MAP7D1: variants seen among roughly 807,000 people sequenced by gnomAD.
MAP7D1 encodes MAP7 domain-containing protein 1.
MAP7D1 carries 30 observed loss-of-function variants against 97.5 expected under a neutral mutation model. The observed-to-expected ratio is 0.31, with a 90% CI of 0.23 to 0.42. The LOEUF (loss-of-function observed/expected upper bound fraction) is 0.42. Among genes scored for constraint, MAP7D1 ranks in the 10% least tolerant of loss-of-function variants. The probability of loss-of-function intolerance (pLI) is 1.00; values close to 1 mark genes in which losing one functional copy is unlikely to be tolerated. For missense variants in MAP7D1, 1,184 were observed against 1,179.5 expected, an observed-to-expected ratio of 1.00 and a Z score of -0.06; for synonymous variants, 536 against 477.1, an observed-to-expected ratio of 1.12 and a Z score of -1.61.
chr1:36,180,245 C>T lies in MAP7D1; in HGVS notation c.2513-3C>T. ...GACTGTTTCCCTTCCTGTTTTTCCC[C>T]AGAAGTCCTTTAAGAGGGTTTGCCT... On this transcript the variant is annotated splice_region_variant and splice_polypyrimidine_tract_variant and intron_variant, in intron 16 of 16. Transcript: ENST00000474796. 1 of 1,614,188 alleles carries T rather than the reference C, an allele frequency of 6.2e-7. No homozygotes were observed. The highest frequency in any genetic ancestry group is 8.5e-7 in the Non-Finnish European group (1 of 1,180,036).
At chr1:36,177,428 G>A in intron 8 of MAP7D1, 1 of 404,498 alleles carries the variant, frequency 2.5e-6, no homozygotes, top group Non-Finnish European at 4.9e-6. Context: ...AGGCCAAGGG[G>A]AGGATTGCTT....
chr1:36,179,434 G>T (rs1570170618), intron 13 of MAP7D1, 81 bp from the exon 14 acceptor site: 2 of 1,571,560 alleles, frequency 1.3e-6, no homozygotes, highest in East Asian at 2.3e-5. Flanking sequence ...TGCGGCCCGG[G>T]CAAGGGGAGG....
chr1:36,180,005 T>C lies in MAP7D1; in HGVS notation c.2450T>C (p.Leu817Pro). The C allele has an allele frequency of 6.2e-7, 1 of 1,614,214 alleles. No homozygotes were observed. Residue 817 changes from leucine (L) to proline (P), a missense_variant, in exon 16 of 17, where the codon CTG becomes CCG. By Grantham distance (98) the Leu-to-Pro change is moderately conservative (BLOSUM62 -3). Transcript: ENST00000474796. ...KSLSRTPETLLPFAEAEAFLK... is the reference protein window; with the variant it reads ...KSLSRTPETLPPFAEAEAFLK... The stretch of plus-strand genomic sequence containing the variant: ...CTGAGCCGAACACCAGAGACACTCC[T>C]GCCCTTTGCAGAGGCAGAAGCCTTC...
At position 36,179,876 on chromosome 1, in the gene MAP7D1, T is replaced by C; in HGVS notation, c.2321T>C (p.Leu774Pro). ...AGCCTTGGCCTCTGCATCCACAGTC[T>C]CCCAAGCAAGGAGTTGCCAGCGTCC... ...EPIPQEPQWS[L>P]PSKELPASLV... is the part of the protein sequence containing the mutation. The change falls in exon 16 of 17, where the codon CTC becomes CCC. Residue 774 changes from leucine (L) to proline (P), a missense_variant and splice_region_variant. Physicochemically the swap from Leu to Pro is moderately conservative, Grantham distance 98 (BLOSUM62 -3). Coordinates refer to ENST00000474796, the MANE Select transcript of MAP7D1 (RefSeq NM_001388490.1). 1.2e-6 allele frequency: 2 copies of C among 1,611,508 alleles called. No individual in the cohort carries two copies. The highest frequency in any genetic ancestry group is 1.7e-6 in the Non-Finnish European group (2 of 1,178,392).
At position 36,176,916 on chromosome 1, in the gene MAP7D1, C is replaced by G; in HGVS notation, c.1379+74C>G. The G allele has an allele frequency of 7.6e-7, 1 of 1,307,370 alleles. No homozygotes were observed. 81.0% of individuals were successfully genotyped at this position (1,307,370 alleles called of 1,614,324 possible). ...TCATCACCCACAAATATTTGTTGGG[C>G]AACCACCTCTAGAATGCAACTTCCC... On this transcript the variant is annotated intron_variant, in intron 8 of 16. Transcript: ENST00000474796. The surrounding 1 kb of genome is among the most constrained non-coding windows in gnomAD (Gnocchi z 6.1).
chr1:36,168,120 C>T (rs964901261), intron 1 of MAP7D1, among the ~76,000 whole-genome samples: 1 of 151,368 alleles, frequency 6.6e-6, no homozygotes, highest in South Asian at 2.1e-4. Flanking sequence ...CATGGTGAAA[C>T]CCCGTCTCTA....
chr1:36,177,519 C>G (rs771156689), intron 8 of MAP7D1: 58 of 538,156 alleles, frequency 1.1e-4, no homozygotes, highest in Non-Finnish European at 1.8e-4. Context: ...CAGATTCTGT[C>G]TTAAAAACAA....
At position 36,179,572 on chromosome 1, in the gene MAP7D1, C is replaced by G; in HGVS notation, c.2227+15C>G. On this transcript the variant is annotated intron_variant, in intron 14 of 16. Coordinates refer to ENST00000474796, the MANE Select transcript of MAP7D1 (RefSeq NM_001388490.1). ...TTCCAGCCCAGGTAAAGCCCCCATT[C>G]CTCTCGCCTCCCTTCCCTTTGCCAT... 2 of 1,559,510 alleles carry G rather than the reference C, an allele frequency of 1.3e-6. No homozygotes were observed. The highest frequency in any genetic ancestry group is 1.7e-6 in the Non-Finnish European group (2 of 1,150,896).
rs773333828 is a variant in MAP7D1 at position 36,176,771 on chromosome 1, C to G, written c.1308C>G (p.Ser436Arg). 1 of 1,602,948 alleles carries G rather than the reference C, an allele frequency of 6.2e-7. No individual in the cohort carries two copies. Among genetic ancestry groups the G allele is most frequent in the East Asian group, 2.3e-5 (1 of 44,316 alleles). Reference protein sequence around the residue: ...KEKSALARERSLKKRQSLPAS... With the variant: ...KEKSALARERRLKKRQSLPAS... Reference sequence around the variant, plus strand: ...AGAGTGCCCTAGCCCGGGAGCGCAGCCTCAAGAAGCGCCAGTCGCTGCCCG... The same window carrying G: ...AGAGTGCCCTAGCCCGGGAGCGCAGGCTCAAGAAGCGCCAGTCGCTGCCCG... The change falls in exon 8 of 17, where the codon AGC becomes AGG. Residue 436 changes from serine (S) to arginine (R), a missense_variant. Transcript: ENST00000474796. The surrounding 1 kb of genome is among the most constrained non-coding windows in gnomAD (Gnocchi z 6.1).
rs1644651798 is a variant in MAP7D1 at position 36,177,949 on chromosome 1, C to T, written c.1456C>T (p.Pro486Ser). 3 of 1,594,106 alleles carry T rather than the reference C, an allele frequency of 1.9e-6. No homozygotes were observed. The highest frequency in any genetic ancestry group is 2.6e-6 in the Non-Finnish European group (3 of 1,167,908). The change falls in exon 9 of 17, where the codon CCA (proline) becomes TCA (serine). Residue 486 changes from proline to serine, a missense_variant. Transcript: ENST00000474796. The part of the protein sequence containing the change: ...RPASPCPSPG[P>S]GHTLPPKPPS... Reference sequence around the variant, plus strand: ...TGCCTCCCCCTGCCCCAGCCCAGGGCCAGGCCACACTCTGCCTCCAAAGCC... The same window carrying T: ...TGCCTCCCCCTGCCCCAGCCCAGGGTCAGGCCACACTCTGCCTCCAAAGCC...
chr1:36,178,476 C>A lies in MAP7D1; in HGVS notation c.1766C>A (p.Pro589Gln). 2 of 1,611,584 alleles carry A rather than the reference C, an allele frequency of 1.2e-6. No individual in the cohort carries two copies. Among genetic ancestry groups the A allele is most frequent in the Non-Finnish European group, 1.7e-6 (2 of 1,179,362 alleles). ...GCTCCCCCGGTGACCCCTAGCAAAC[C>A]AATGGCCGGCACCACAGACCGAGAA... is the stretch of plus-strand genomic sequence containing the variant. ...APAPPVTPSK[P>Q]MAGTTDREEA... The change falls in exon 10 of 17, where the codon CCA becomes CAA. Residue 589 changes from proline to glutamine, a missense_variant. By Grantham distance (76) the Pro-to-Gln change is moderately conservative. Coordinates refer to ENST00000474796, the MANE Select transcript of MAP7D1 (RefSeq NM_001388490.1).
Position 36,180,281 on chromosome 1 carries a change from C to T in MAP7D1, c.*23C>T, listed in dbSNP as rs551451907. On this transcript the variant is annotated 3_prime_UTR_variant, in exon 17 of 17. Coordinates refer to ENST00000474796, the MANE Select transcript of MAP7D1 (RefSeq NM_001388490.1). Reference sequence around the variant, plus strand: ...TAAGAGGGTTTGCCTTGGATCCGGGCACAGTTGTGAGGGCTCCTCTGCATC... The same window carrying T: ...TAAGAGGGTTTGCCTTGGATCCGGGTACAGTTGTGAGGGCTCCTCTGCATC... 1 of 1,614,178 alleles carries T rather than the reference C, an allele frequency of 6.2e-7. No individual in the cohort carries two copies. The highest frequency in any genetic ancestry group is 8.5e-7 in the Non-Finnish European group (1 of 1,179,992).
intron 1 of MAP7D1, among the ~76,000 whole-genome samples, chr1:36,163,975 C>T (rs1339801599): frequency 6.6e-6 from 1 of 151,910 alleles, no homozygotes; most frequent in Non-Finnish European, 1.5e-5. Flanking sequence ...CAGGTGTGCA[C>T]AACCACGCCC....
At position 36,180,079 on chromosome 1, in the gene MAP7D1, G is replaced by A; in HGVS notation, c.2512+12G>A. On this transcript the variant is annotated intron_variant, in intron 16 of 16. Transcript: ENST00000474796. ...CCCGCAGGTCACAGGTAGATCTCCT[G>A]ATTCCTGGACCCAGCTCCATTCCTC... is the stretch of plus-strand genomic sequence containing the variant. The A allele has an allele frequency of 6.2e-7, 1 of 1,613,022 alleles. No homozygotes were observed. Among genetic ancestry groups the A allele is most frequent in the Non-Finnish European group, 8.5e-7 (1 of 1,179,322 alleles).
intron 1 of MAP7D1, among the ~76,000 whole-genome samples, chr1:36,167,010 C>A (rs1644482307): frequency 6.6e-6 from 1 of 152,072 alleles, no homozygotes; most frequent in Non-Finnish European, 1.5e-5. Context: ...TTGAGACACA[C>A]AGGGGTGTCA....
intron 1 of MAP7D1, 134 bp from the exon 2 acceptor site, chr1:36,170,837 A>G: frequency 1.6e-6 from 1 of 626,620 alleles, no homozygotes; most frequent in South Asian, 2.1e-5. Flanking sequence ...TATCTGGAAC[A>G]GGGCCCGGCA....
At chr1:36,156,968 C>A (rs1474201816) in intron 1 of MAP7D1, among the ~76,000 whole-genome samples, 1 of 152,192 alleles carries the variant, frequency 6.6e-6, no homozygotes, top group Non-Finnish European at 1.5e-5. Flanking sequence ...ACCTCGCCCC[C>A]ACCCCATCCG....
At position 36,171,802 on chromosome 1, in the gene MAP7D1, C is replaced by T. The variant is rs1300039322; in HGVS notation, c.460+221C>T. The T allele has an allele frequency of 7.4e-6, 3 of 403,482 alleles. No individual in the cohort carries two copies. In the East Asian group the frequency reaches 1.7e-4, roughly 22 times the overall value. The allele number at this position is 403,482 out of a possible 1,614,324, so 25.0% of individuals were successfully genotyped here. A position where few individuals can be genotyped will look rare whatever the true frequency, so the allele number is the denominator to read the frequency against. On this transcript the variant is annotated intron_variant, in intron 3 of 16. Coordinates refer to ENST00000474796, the MANE Select transcript of MAP7D1 (RefSeq NM_001388490.1). ...ACAAAAAATTAGCCAGGCATGGTGG[C>T]ACATCCCTGTAATCCCAGCTACTCG...
chr1:36,162,059 C>T (rs1164962644), intron 1 of MAP7D1, among the ~76,000 whole-genome samples: 2 of 152,008 alleles, frequency 1.3e-5, no homozygotes, highest in Admixed American at 6.6e-5. Context: ...AGTGTTGTCA[C>T]CTAGGAATCT....
Sources: allele counts gnomAD v4.1 joint callset (sites outside exome capture counted in the v4.1 genomes callset), GRCh38; gene constraint gnomAD v4.1.1; non-coding constraint Gnocchi (gnomAD v3.1); transcripts MANE v1.5; gene names NCBI Gene and HGNC (gene_info 2026-07-23, HGNC 2026-07-21).